SGCZ: variants seen among roughly 807,000 people sequenced by gnomAD.
The protein encoded by SGCZ is sarcoglycan zeta.
SGCZ carries 40 observed loss-of-function variants against 41.3 expected under a neutral mutation model. The ratio of observed to expected loss-of-function variants is 0.97; its 90% confidence interval spans 0.75 to 1.26. The LOEUF (loss-of-function observed/expected upper bound fraction) is 1.26, where lower values mean the gene tolerates loss of function less well. SGCZ is among the 50% of genes most tolerant of loss of function. The pLI, the probability that SGCZ is intolerant of heterozygous loss-of-function variation, is 0.00. For missense variants in SGCZ, 552 were observed against 369.8 expected (o/e 1.49, Z -4.04); for synonymous variants, 206 against 137.5 (o/e 1.50, Z -3.49).
intron 1 of SGCZ, among the ~76,000 whole-genome samples, chr8:14,586,025 T>C (rs1805046378): frequency 6.6e-6 from 1 of 152,070 alleles, no homozygotes; most frequent in Non-Finnish European, 1.5e-5. Flanking sequence ...GTACAGATAA[T>C]TTTATTTAAA....
At chr8:14,363,665 T>A (rs78507543) in intron 2 of SGCZ, among the ~76,000 whole-genome samples, 4,571 of 152,228 alleles carry the variant, frequency 0.03, 108 homozygotes, top group East Asian at 0.1. Context: ...CTTTATTCAG[T>A]TTTATTCAGT....
intron 4 of SGCZ, among the ~76,000 whole-genome samples, chr8:14,169,211 G>C (rs1307924319): frequency 6.6e-6 from 1 of 152,090 alleles, no homozygotes. Flanking sequence ...TGCTAATGAT[G>C]TATAACAAAA....
In SGCZ at chr8:14,312,658, AGAG is replaced by A. The variant is rs375842899; in HGVS notation, c.336+11442_336+11444del. 1.6e-3 allele frequency among the ~76,000 whole-genome samples: 242 copies of A among 151,986 alleles called. 3 individuals carry two copies. The highest frequency in any genetic ancestry group is 5.7e-3 in the African/African-American group (236 of 41,446). ...AGAAAGAAGAAGAAGAGGAAGAGGA[AGAG>A]GAGGAGGAAGAGGAGGAGGAGGAGG... On this transcript the variant is annotated intron_variant, in intron 3 of 7. Transcript: ENST00000382080.
At chr8:15,032,848 G>A (rs888955997) in intron 1 of SGCZ, among the ~76,000 whole-genome samples, 1 of 152,080 alleles carries the variant, frequency 6.6e-6, no homozygotes, top group African/African-American at 2.4e-5. Context: ...AGCCTCTGTG[G>A]ATACAGGCTC....
intron 1 of SGCZ, among the ~76,000 whole-genome samples, chr8:15,178,079 T>A (rs2117079825): frequency 6.6e-6 from 1 of 152,280 alleles, no homozygotes; most frequent in South Asian, 2.1e-4. Flanking sequence ...CTGAATTCCC[T>A]GCCATTTCCC....
At chr8:14,672,231 A>G (rs1808127006) in intron 1 of SGCZ, among the ~76,000 whole-genome samples, 2 of 152,180 alleles carry the variant, frequency 1.3e-5, no homozygotes, top group Non-Finnish European at 1.5e-5. Context: ...TATTTTATCT[A>G]GTTATTTAAA....
chr8:14,281,911 T>C (rs1422539040), intron 3 of SGCZ, among the ~76,000 whole-genome samples: 2 of 152,080 alleles, frequency 1.3e-5, no homozygotes, highest in East Asian at 1.9e-4. Flanking sequence ...CAAACGATAA[T>C]TATTTTTCTT....
intron 1 of SGCZ, among the ~76,000 whole-genome samples, chr8:14,831,279 T>A (rs192211397): frequency 4.6e-5 from 7 of 152,316 alleles, no homozygotes; most frequent in East Asian, 1.9e-4. Context: ...CAGAAGGTGT[T>A]CTTTGATATA....
At chr8:15,186,262 CAAAAAAAAAAAAAAAAAAAAAAAA>C (rs61237091) in intron 1 of SGCZ, among the ~76,000 whole-genome samples, 3 of 80,714 alleles carry the variant, frequency 3.7e-5, no homozygotes, top group East Asian at 3.1e-4. Context: ...GATTCCGTAC[CAAAAAAAAAAAAAAAAAAAAAAAA>C]AAAAAAAAAA....
chr8:14,712,327 G>T (rs929770574), intron 1 of SGCZ, among the ~76,000 whole-genome samples: 1 of 152,136 alleles, frequency 6.6e-6, no homozygotes, highest in East Asian at 1.9e-4. Context: ...AGTAAACTTC[G>T]CAGAATTGTA....
intron 1 of SGCZ, among the ~76,000 whole-genome samples, chr8:14,644,492 C>A (rs1297927268): frequency 1.0e-5 from 1 of 100,088 alleles, no homozygotes; most frequent in Non-Finnish European, 2.0e-5. Flanking sequence ...ACAGTTGTGC[C>A]AGCCAATTTT....
Position 14,505,135 on chromosome 8 carries a change from T to C in SGCZ, c.234+49597A>G, listed in dbSNP as rs114603856. On this transcript the variant is annotated intron_variant, in intron 2 of 7. Coordinates refer to ENST00000382080, the MANE Select transcript of SGCZ (RefSeq NM_139167.4). ...CCACACTCCAGCCTGGGTGTTATAG[T>C]GGGACCCCATCCACCCATCCCAAAA... Among the ~76,000 whole-genome samples the C allele has an allele frequency of 9.1e-3, 1,387 of 152,210 alleles. 26 individuals carry two copies. Among genetic ancestry groups the C allele is most frequent in the African/African-American group, 0.032 (1,333 of 41,528 alleles).
chr8:14,116,442 C>T (rs575597171), intron 5 of SGCZ, among the ~76,000 whole-genome samples: 12 of 152,158 alleles, frequency 7.9e-5, no homozygotes, highest in South Asian at 2.1e-4. Flanking sequence ...TCAGAATCTT[C>T]GTACACACAG....
At chr8:14,619,470 G>C (rs980917222) in intron 1 of SGCZ, among the ~76,000 whole-genome samples, 4 of 152,160 alleles carry the variant, frequency 2.6e-5, no homozygotes, top group African/African-American at 9.6e-5. Flanking sequence ...AAAATAAAGG[G>C]TATTCAATTA....
At chr8:14,230,164 G>T (rs1806510983) in intron 4 of SGCZ, among the ~76,000 whole-genome samples, 1 of 152,048 alleles carries the variant, frequency 6.6e-6, no homozygotes, top group African/African-American at 2.4e-5. Flanking sequence ...TTCATCAACT[G>T]ACTCCCTTCT....
At chr8:15,011,668 G>C (rs908955716) in intron 1 of SGCZ, among the ~76,000 whole-genome samples, 1 of 152,016 alleles carries the variant, frequency 6.6e-6, no homozygotes, top group African/African-American at 2.4e-5. Context: ...TCTAAATACT[G>C]TCTCCCCACA....
At chr8:14,527,840 G>A (rs1803002145) in intron 2 of SGCZ, among the ~76,000 whole-genome samples, 1 of 151,906 alleles carries the variant, frequency 6.6e-6, no homozygotes, top group South Asian at 2.1e-4. Flanking sequence ...CTCTCATATT[G>A]CTGAGGTGAT....
intron 1 of SGCZ, among the ~76,000 whole-genome samples, chr8:15,230,490 T>A (rs1202403195): frequency 6.6e-6 from 1 of 152,354 alleles, no homozygotes; most frequent in Admixed American, 6.5e-5. Flanking sequence ...AATGAGAAGA[T>A]AATATTCAGC....
intron 1 of SGCZ, among the ~76,000 whole-genome samples, chr8:15,113,241 T>C (rs1484174205): frequency 1.3e-5 from 2 of 151,092 alleles, no homozygotes; most frequent in African/African-American, 4.9e-5. Context: ...AAACCAAGAA[T>C]GCTCAAGAGC....
Sources: allele counts gnomAD v4.1 joint callset (sites outside exome capture counted in the v4.1 genomes callset), GRCh38; gene constraint gnomAD v4.1.1; transcripts MANE v1.5; gene names NCBI Gene and HGNC (gene_info 2026-07-23, HGNC 2026-07-21).